PIK3C2G: variants seen among roughly 807,000 people sequenced by gnomAD.
PIK3C2G encodes phosphatidylinositol-4-phosphate 3-kinase catalytic subunit type 2 gamma.
A neutral mutation model predicts 181.1 loss-of-function variants in PIK3C2G; 168 were observed. The ratio of observed to expected loss-of-function variants is 0.93; its 90% CI spans 0.82 to 1.05. PIK3C2G has a LOEUF of 1.05. PIK3C2G is among the 50% of genes least tolerant of loss of function. PIK3C2G has a pLI of 0.00. For missense variants in PIK3C2G, 1,869 were observed against 1,732.8 expected, an observed-to-expected ratio of 1.08 and a Z score of -1.40; for synonymous variants, 573 against 592.2, an observed-to-expected ratio of 0.97 and a Z score of 0.47.
intron 22 of PIK3C2G, among the ~76,000 whole-genome samples, chr12:18,502,427 C>T (rs1051115037): frequency 6.6e-6 from 1 of 152,096 alleles, no homozygotes; most frequent in Admixed American, 6.5e-5. Context: ...GCAACTCCTG[C>T]AATTGTCGAG....
At chr12:18,432,821 G>T (rs1946235846) in intron 18 of PIK3C2G, among the ~76,000 whole-genome samples, 1 of 152,160 alleles carries the variant, frequency 6.6e-6, no homozygotes, top group Admixed American at 6.5e-5. Flanking sequence ...CATCTAAGCT[G>T]ACTGAAGAAT....
intron 5 of PIK3C2G, among the ~76,000 whole-genome samples, chr12:18,305,612 C>G (rs1220300233): frequency 7.4e-6 from 1 of 134,878 alleles, no homozygotes; most frequent in Non-Finnish European, 1.7e-5. Context: ...CTCCATTTTT[C>G]TTAAATAAAG....
chr12:18,712,742 T>C, the PIK3C2G span: 1 of 1,399,810 alleles, frequency 7.1e-7, no homozygotes, highest in Non-Finnish European at 1.0e-6. Flanking sequence ...CAATTTGAAA[T>C]ATCATCTAAA....
At chr12:18,556,375 T>C (rs577352906) in intron 26 of PIK3C2G, among the ~76,000 whole-genome samples, 4 of 152,234 alleles carry the variant, frequency 2.6e-5, no homozygotes, top group African/African-American at 7.2e-5. Flanking sequence ...AGATAGGAGA[T>C]GGATTTGAGT....
chr12:18,630,976 C>T (rs1949327039), intron 31 of PIK3C2G, among the ~76,000 whole-genome samples: 1 of 151,706 alleles, frequency 6.6e-6, no homozygotes. Context: ...GTCTAAAATG[C>T]AGCCAGAGTT....
intron 24 of PIK3C2G, among the ~76,000 whole-genome samples, chr12:18,515,769 C>A (rs1942496744): frequency 6.6e-6 from 1 of 151,558 alleles, no homozygotes; most frequent in Admixed American, 6.6e-5. Flanking sequence ...TTAGTTTGTT[C>A]CTGTTTTTCT....
chr12:18,502,669 G>T (rs559318409), intron 22 of PIK3C2G, among the ~76,000 whole-genome samples: 4 of 152,182 alleles, frequency 2.6e-5, no homozygotes, highest in South Asian at 2.1e-4. Context: ...GCGGAGCAAA[G>T]TTCCTATTGA....
At chr12:18,546,268 G>C in intron 25 of PIK3C2G, 55 bp from the exon 26 acceptor site, 1 of 1,035,124 alleles carries the variant, frequency 9.7e-7, no homozygotes, top group East Asian at 2.6e-5. Flanking sequence ...AAGCTTGATT[G>C]TATCTGCATT....
chr12:18,335,871 A>C (rs1428241651), intron 8 of PIK3C2G, among the ~76,000 whole-genome samples: 2 of 152,190 alleles, frequency 1.3e-5, no homozygotes, highest in African/African-American at 4.8e-5. Context: ...GTACTGCAAG[A>C]CTGGAGTAAT....
At chr12:18,316,615 A>C (rs1950872245) in intron 6 of PIK3C2G, among the ~76,000 whole-genome samples, 2 of 152,118 alleles carry the variant, frequency 1.3e-5, no homozygotes, top group Admixed American at 1.3e-4. Context: ...ACTTTTGCTA[A>C]TATTGATGCT....
At chr12:18,279,222 A>G (rs980287634) in intron 1 of PIK3C2G, among the ~76,000 whole-genome samples, 2 of 152,072 alleles carry the variant, frequency 1.3e-5, no homozygotes, top group Non-Finnish European at 2.9e-5. Flanking sequence ...TAGATAAGTT[A>G]ATACATTTTT....
chr12:18,320,836 T>C (rs1039690987), intron 6 of PIK3C2G, 126 bp from the exon 7 acceptor site: 14 of 630,414 alleles, frequency 2.2e-5, no homozygotes, highest in Non-Finnish European at 3.4e-5. Context: ...AGACAGAATA[T>C]AAAAGCGATG....
At chr12:18,301,428 G>A (rs1950171493) in intron 5 of PIK3C2G, among the ~76,000 whole-genome samples, 1 of 151,714 alleles carries the variant, frequency 6.6e-6, no homozygotes, top group South Asian at 2.1e-4. Flanking sequence ...TTTTTTGTCT[G>A]ACTGGGTTAT....
At chr12:18,722,867 T>C in the PIK3C2G span, among the ~76,000 whole-genome samples, 2 of 152,050 alleles carry the variant, frequency 1.3e-5, no homozygotes, top group Non-Finnish European at 2.9e-5. Context: ...AATATTTTCT[T>C]CTTAGAATTT....
intron 31 of PIK3C2G, among the ~76,000 whole-genome samples, chr12:18,627,818 T>G (rs1207154305): frequency 1.3e-5 from 2 of 152,212 alleles, no homozygotes; most frequent in East Asian, 3.8e-4. Flanking sequence ...CCTCAGGTTT[T>G]GATAGTTCCA....
chr12:18,534,370 C>T (rs1183597414), intron 24 of PIK3C2G, among the ~76,000 whole-genome samples: 1 of 151,718 alleles, frequency 6.6e-6, no homozygotes, highest in African/African-American at 2.4e-5. Flanking sequence ...CACTTCTCAC[C>T]CCTATTGGAA....
chr12:18,623,072 G>A (rs151047561), intron 31 of PIK3C2G, among the ~76,000 whole-genome samples: 1 of 151,758 alleles, frequency 6.6e-6, no homozygotes, highest in African/African-American at 2.4e-5. Flanking sequence ...GTCTATCTTT[G>A]CATTTGTTGT....
intron 18 of PIK3C2G, among the ~76,000 whole-genome samples, chr12:18,453,589 G>A (rs770872977): frequency 6.6e-6 from 1 of 152,022 alleles, no homozygotes; most frequent in Admixed American, 6.6e-5. Context: ...CAACATACAA[G>A]TTAAATGGAA....
chr12:18,378,123 CA>C (rs1168975182), intron 13 of PIK3C2G, among the ~76,000 whole-genome samples: 1 of 152,170 alleles, frequency 6.6e-6, no homozygotes, highest in Non-Finnish European at 1.5e-5. Flanking sequence ...AAGACTCCAT[CA>C]AAGGACAGTA....
Sources: gnomAD v4.1 joint callset for allele counts (sites outside exome capture counted in the v4.1 genomes callset) on GRCh38, gnomAD v4.1.1 for gene constraint, MANE v1.5 for transcripts, NCBI Gene and HGNC (gene_info 2026-07-23, HGNC 2026-07-21) for gene names.